KLHL32: variants seen among roughly 807,000 people sequenced by gnomAD.
KLHL32 encodes the protein kelch-like protein 32.
In KLHL32, 35 loss-of-function variants were observed where a neutral mutation model predicts 64.8. That is an observed-to-expected ratio of 0.54 (90% CI 0.41 to 0.72). KLHL32 has a LOEUF of 0.72. Among genes scored for constraint, KLHL32 ranks in the 30% least tolerant of loss-of-function variants. KLHL32 has a pLI of 0.00. For synonymous variants in KLHL32, 259 were observed against 281.0 expected (o/e 0.92, Z 0.78); for missense variants, 589 against 768.5 (o/e 0.77, Z 2.76).
chr6:97,113,649 C>A, intron 6 of KLHL32, 134 bp from the exon 7 acceptor site: 1 of 1,190,692 alleles, frequency 8.4e-7, no homozygotes, highest in Non-Finnish European at 1.2e-6. Context: ...TCAAAATATT[C>A]CAGTTATACT....
intron 3 of KLHL32, among the ~76,000 whole-genome samples, chr6:97,018,142 A>G (rs755020263): frequency 7.1e-6 from 1 of 141,730 alleles, no homozygotes; most frequent in African/African-American, 3.1e-5. Context: ...AGTATAATTA[A>G]TATTGAATCG....
chr6:96,931,014 A>C (rs913006646), intron 1 of KLHL32, among the ~76,000 whole-genome samples: 1 of 152,114 alleles, frequency 6.6e-6, no homozygotes, highest in Non-Finnish European at 1.5e-5. Context: ...TGCAAGGTCA[A>C]TTTCTAGAGC....
intron 5 of KLHL32, among the ~76,000 whole-genome samples, chr6:97,076,803 A>G (rs1329397839): frequency 6.6e-6 from 1 of 152,136 alleles, no homozygotes; most frequent in Non-Finnish European, 1.5e-5. Context: ...CAGTGTAGCT[A>G]ACATTTCTAG....
chr6:97,021,687 G>A lies in KLHL32; in HGVS notation c.205-19805G>A, dbSNP rs184717430. Among the ~76,000 whole-genome samples the A allele has an allele frequency of 9.3e-5, 14 of 150,944 alleles. 2 individuals carry two copies. The highest frequency in any genetic ancestry group is 3.5e-4 in the African/African-American group (14 of 40,254). On this transcript the variant is annotated intron_variant, in intron 3 of 10. Coordinates refer to ENST00000369261, the MANE Select transcript of KLHL32 (RefSeq NM_052904.4). ...TTGGCACATGAAATTAACCACCAGAGATGATGACTGACAAATTTATATTTC... is the reference window on the plus strand; with the variant it reads ...TTGGCACATGAAATTAACCACCAGAAATGATGACTGACAAATTTATATTTC...
chr6:96,908,922 T>C, the KLHL32 span, among the ~76,000 whole-genome samples: 1 of 152,132 alleles, frequency 6.6e-6, no homozygotes, highest in African/African-American at 2.4e-5. Context: ...TTTGGGGATA[T>C]GCTTTGCTCT....
chr6:97,050,857 G>A (rs571151588), intron 4 of KLHL32, among the ~76,000 whole-genome samples: 1 of 152,132 alleles, frequency 6.6e-6, no homozygotes, highest in African/African-American at 2.4e-5. Flanking sequence ...AAAAAAAATA[G>A]CCAGGTGTGG....
chr6:96,979,361 C>T (rs1776045817), intron 3 of KLHL32, among the ~76,000 whole-genome samples: 1 of 152,156 alleles, frequency 6.6e-6, no homozygotes, highest in Admixed American at 6.5e-5. Context: ...TGACATATGG[C>T]TAGCCAGTTA....
intron 4 of KLHL32, among the ~76,000 whole-genome samples, chr6:97,063,334 C>T (rs2128152161): frequency 6.6e-6 from 1 of 152,242 alleles, no homozygotes; most frequent in South Asian, 2.1e-4. Flanking sequence ...CTAAGGAAAA[C>T]AAGAGTCAAG....
chr6:96,932,556 T>G (rs1418775932), intron 1 of KLHL32, among the ~76,000 whole-genome samples: 1 of 145,358 alleles, frequency 6.9e-6, no homozygotes, highest in Non-Finnish European at 1.5e-5. Flanking sequence ...TTCACAAAGT[T>G]GTCAATTTCC....
intron 1 of KLHL32, among the ~76,000 whole-genome samples, chr6:96,934,391 C>G (rs1050971632): frequency 6.6e-6 from 1 of 152,200 alleles, no homozygotes; most frequent in Non-Finnish European, 1.5e-5. Flanking sequence ...TTCCTACCTT[C>G]CGAGGACCAG....
At chr6:96,955,669 G>A (rs1773170465) in intron 1 of KLHL32, among the ~76,000 whole-genome samples, 1 of 152,180 alleles carries the variant, frequency 6.6e-6, no homozygotes, top group Admixed American at 6.5e-5. Flanking sequence ...AGGCACGGTG[G>A]CTCATGCCTG....
chr6:96,992,012 C>T (rs965862695), intron 3 of KLHL32, among the ~76,000 whole-genome samples: 1 of 152,218 alleles, frequency 6.6e-6, no homozygotes, highest in African/African-American at 2.4e-5. Flanking sequence ...GGCGGCCTGC[C>T]TGCGACCCGA....
chr6:96,960,529 G>A (rs1202081770), intron 1 of KLHL32, among the ~76,000 whole-genome samples: 3 of 152,138 alleles, frequency 2.0e-5, no homozygotes, highest in African/African-American at 7.2e-5. Flanking sequence ...TATTATTGGA[G>A]TATTACACTA....
chr6:97,062,578 T>C (rs897351116), intron 4 of KLHL32: 12 of 152,270 alleles, frequency 7.9e-5, no homozygotes, highest in Non-Finnish European at 1.0e-4. Context: ...AGTCCTTTTT[T>C]CTTTCTTATA....
At chr6:96,918,905 T>C in the KLHL32 span, among the ~76,000 whole-genome samples, 8 of 152,354 alleles carry the variant, frequency 5.3e-5, no homozygotes, top group African/African-American at 1.9e-4. Context: ...TTTTAAAAGA[T>C]GGAGAAAATG....
the KLHL32 span, chr6:96,914,833 C>CTGG: frequency 1.3e-5 from 2 of 152,182 alleles, no homozygotes; most frequent in Non-Finnish European, 2.9e-5. Context: ...CCTAGGCAAC[C>CTGG]TGGTGGTTCC....
chr6:97,071,758 T>C (rs111600964), intron 5 of KLHL32, among the ~76,000 whole-genome samples: 5 of 152,300 alleles, frequency 3.3e-5, no homozygotes, highest in African/African-American at 1.2e-4. Context: ...TAAATCTTTC[T>C]CAGATATGCT....
At chr6:96,898,327 C>T in the KLHL32 span, among the ~76,000 whole-genome samples, 2 of 152,192 alleles carry the variant, frequency 1.3e-5, no homozygotes, top group East Asian at 3.8e-4. Context: ...GAACCAGGGT[C>T]AAACTGGGCT....
chr6:96,924,419 G>A (rs1359573072), upstream of KLHL32, among the ~76,000 whole-genome samples: 4 of 150,820 alleles, frequency 2.7e-5, no homozygotes, highest in South Asian at 2.1e-4. Context: ...GCGGCGTGGA[G>A]GAGGGTACTT....
Sources: allele counts gnomAD v4.1 joint callset (sites outside exome capture counted in the v4.1 genomes callset), GRCh38; gene constraint gnomAD v4.1.1; transcripts MANE v1.5; gene names NCBI Gene and HGNC (gene_info 2026-07-23, HGNC 2026-07-21).